The following MATN2 variants were observed in gnomAD, a reference collection of about 807,000 sequenced individuals.
The protein encoded by MATN2 is matrilin-2.
MATN2 carries 69 observed loss-of-function variants against 103.2 expected under a neutral mutation model. The ratio of observed to expected loss-of-function variants is 0.67; its 90% CI spans 0.55 to 0.82. The LOEUF is 0.82. MATN2 is among the 40% of genes least tolerant of loss of function. MATN2 has a pLI of 0.00. For missense variants in MATN2, 1,023 were observed against 1,211.5 expected (o/e 0.84, Z 2.31); for synonymous variants, 429 against 450.2 (o/e 0.95, Z 0.60).
chr8:97,967,016 G>A (rs964438295), intron 5 of MATN2, among the ~76,000 whole-genome samples: 11 of 152,184 alleles, frequency 7.2e-5, no homozygotes, highest in Admixed American at 2.0e-4. Context: ...AGGTGAAGGC[G>A]GAGCAGGCAT....
chr8:97,975,995 T>A (rs1286896492), intron 5 of MATN2, among the ~76,000 whole-genome samples: 1 of 152,226 alleles, frequency 6.6e-6, no homozygotes, highest in African/African-American at 2.4e-5. Context: ...TGATATCCAA[T>A]GACGTTGAGA....
rs559783149 is a variant in MATN2 at position 97,947,624 on chromosome 8, A to C, written c.835+5725A>C. Among the ~76,000 whole-genome samples the C allele has an allele frequency of 5.3e-5, 8 of 152,304 alleles. No individual in the cohort carries two copies. In the East Asian group the frequency reaches 1.5e-3, roughly 29 times the overall value. ...GATTAATTTAAAAAAAACCTAAATA[A>C]ATGGAGAGATATACCCTATCATGGA... is the stretch of plus-strand genomic sequence containing the variant. On this transcript the variant is annotated intron_variant, in intron 4 of 18. Transcript: ENST00000254898.
At chr8:97,893,597 T>TTTATTTATTTATTTATTTAA (rs58634993) in intron 2 of MATN2, among the ~76,000 whole-genome samples, 1 of 77,658 alleles carries the variant, frequency 1.3e-5, no homozygotes, top group African/African-American at 3.2e-5. Context: ...TATTTATTTA[T>TTTATTTATTTATTTATTTAA]GATAGAGTCT....
At chr8:98,024,259 C>A (rs1211211261) in intron 13 of MATN2, among the ~76,000 whole-genome samples, 2 of 152,154 alleles carry the variant, frequency 1.3e-5, no homozygotes, top group African/African-American at 4.8e-5. Flanking sequence ...AATCCCGGCA[C>A]CTTGAGAGGC....
chr8:97,891,412 G>A (rs528428523), intron 2 of MATN2, among the ~76,000 whole-genome samples: 8 of 152,060 alleles, frequency 5.3e-5, no homozygotes, highest in Admixed American at 3.9e-4. Context: ...ATCATGGCTC[G>A]CTGCAGCCTT....
chr8:97,957,979 G>C (rs1811192745), intron 4 of MATN2, among the ~76,000 whole-genome samples: 1 of 152,168 alleles, frequency 6.6e-6, no homozygotes, highest in Non-Finnish European at 1.5e-5. Flanking sequence ...GGATATCCCA[G>C]TCTGTCCTGA....
intron 2 of MATN2, among the ~76,000 whole-genome samples, chr8:97,904,018 A>G (rs1408740569): frequency 1.3e-5 from 2 of 152,198 alleles, no homozygotes; most frequent in African/African-American, 4.8e-5. Context: ...GTACTTTTTA[A>G]TACCTTACTA....
At chr8:97,952,706 A>T (rs1810996813) in intron 4 of MATN2, among the ~76,000 whole-genome samples, 1 of 152,172 alleles carries the variant, frequency 6.6e-6, no homozygotes, top group Non-Finnish European at 1.5e-5. Flanking sequence ...CCAGGCACTG[A>T]AACAAGCGAG....
At chr8:97,922,936 C>T (rs1255242336) in intron 2 of MATN2, among the ~76,000 whole-genome samples, 1 of 152,130 alleles carries the variant, frequency 6.6e-6, no homozygotes, top group Admixed American at 6.5e-5. Flanking sequence ...CCTCTGTATC[C>T]CCAGGCCCTG....
intron 1 of MATN2, among the ~76,000 whole-genome samples, chr8:97,887,158 G>A (rs1273265821): frequency 6.6e-6 from 1 of 151,998 alleles, no homozygotes; most frequent in Non-Finnish European, 1.5e-5. Flanking sequence ...TCCCAAAGTG[G>A]TGGGATTACA....
intron 14 of MATN2, 78 bp downstream of exon 14, chr8:98,027,907 A>T: frequency 7.0e-7 from 1 of 1,435,198 alleles, no homozygotes; most frequent in South Asian, 1.5e-5. Context: ...TCAGCTGGCC[A>T]TAAGGGTAAG....
intron 3 of MATN2, among the ~76,000 whole-genome samples, chr8:97,932,189 T>C (rs10113193): frequency 1.3e-5 from 2 of 151,156 alleles, no homozygotes; most frequent in Admixed American, 6.6e-5. Context: ...ATAGACAGAG[T>C]TTTTCTTCAG....
chr8:97,982,921 C>T lies in MATN2; in HGVS notation c.1081+3913C>T, dbSNP rs1460007566. Among the ~76,000 whole-genome samples the T allele has an allele frequency of 6.6e-6, 1 of 151,026 alleles. No homozygotes were observed. Among genetic ancestry groups the T allele is most frequent in the South Asian group, 2.1e-4 (1 of 4,828 alleles). On this transcript the variant is annotated intron_variant, in intron 6 of 18. Transcript: ENST00000254898. The surrounding 1 kb of genome is among the most constrained non-coding windows in gnomAD (Gnocchi z 4.3). ...ATATCCTAGCCTGTCTCCTTCCTGC[C>T]TCTCCAGACCACACCCCCTGGCTGG...
At chr8:98,025,729 C>G in intron 13 of MATN2, 1 of 438,394 alleles carries the variant, frequency 2.3e-6, no homozygotes, top group Non-Finnish European at 4.6e-6. Flanking sequence ...CTGGGCGACA[C>G]AGCAAGACTC....
intron 4 of MATN2, among the ~76,000 whole-genome samples, chr8:97,949,380 G>T (rs997402577): frequency 1.3e-5 from 2 of 151,914 alleles, no homozygotes; most frequent in African/African-American, 4.8e-5. Flanking sequence ...CACCATGTTG[G>T]CCAGGCTGGT....
chr8:97,922,445 T>G (rs1809844153), intron 2 of MATN2, among the ~76,000 whole-genome samples: 1 of 152,226 alleles, frequency 6.6e-6, no homozygotes, highest in African/African-American at 2.4e-5. Context: ...AGTCAGACGG[T>G]GTCTCATATG....
rs1330211721 is a variant in MATN2 at position 97,892,814 on chromosome 8, T to C, written c.142+4572T>C. ...ACCTCATGGATCCTCTGAAAAGGCCTCAGGGACCCCTAGAATTCCCCAAAC... is the reference window on the plus strand; with the variant it reads ...ACCTCATGGATCCTCTGAAAAGGCCCCAGGGACCCCTAGAATTCCCCAAAC... On this transcript the variant is annotated intron_variant, in intron 2 of 18. Transcript: ENST00000254898. Among the ~76,000 whole-genome samples the C allele has an allele frequency of 3.3e-5, 5 of 152,292 alleles. 1 individual carries two copies. Among genetic ancestry groups the C allele is most frequent in the Middle Eastern group, 6.8e-3 (2 of 294 alleles).
chr8:97,916,183 C>G (rs1049519967), intron 2 of MATN2, among the ~76,000 whole-genome samples: 1 of 152,004 alleles, frequency 6.6e-6, no homozygotes, highest in African/African-American at 2.4e-5. Flanking sequence ...AATTCTCATG[C>G]CTCAGCGTCC....
rs368952003 is a variant in MATN2 at position 97,931,174 on chromosome 8, C to A, written c.364C>A (p.Arg122Ser). 5 of 1,613,386 alleles carry A rather than the reference C, an allele frequency of 3.1e-6. No individual in the cohort carries two copies. In the South Asian group the frequency reaches 3.3e-5, roughly 11 times the overall value. ...KTFKRKSEVE[R>S]AVKRMRHLST... ...CTTCAAGAGGAAGTCCGAGGTGGAGCGTGCTGTCAAGAGGATGCGGCATCT... is the reference window on the plus strand; with the variant it reads ...CTTCAAGAGGAAGTCCGAGGTGGAGAGTGCTGTCAAGAGGATGCGGCATCT... Residue 122 changes from arginine (R) to serine (S), a missense_variant, in exon 3 of 19, where the codon CGT becomes AGT. By Grantham distance (110) the Arg-to-Ser change is moderately radical. Transcript: ENST00000254898. This position sits in a 1 kb window ranked among gnomAD's most constrained non-coding sequence, Gnocchi z 4.1.
Sources: allele counts gnomAD v4.1 joint callset (sites outside exome capture counted in the v4.1 genomes callset), GRCh38; gene constraint gnomAD v4.1.1; non-coding constraint Gnocchi (gnomAD v3.1); transcripts MANE v1.5; gene names NCBI Gene and HGNC (gene_info 2026-07-23, HGNC 2026-07-21).